SCMH1: variants seen among roughly 807,000 people sequenced by gnomAD.
The protein encoded by SCMH1 is Scm polycomb group protein homolog 1, also known as polycomb protein SCMH1.
A neutral mutation model predicts 70.8 loss-of-function variants in SCMH1; 37 were observed. That is an observed-to-expected ratio of 0.52 (90% CI 0.40 to 0.69). The LOEUF is 0.69. Ranked by LOEUF, SCMH1 falls within the 30% of genes least tolerant of loss-of-function variation. The probability of loss-of-function intolerance (pLI) is 0.00; values close to 1 mark genes in which losing one functional copy is unlikely to be tolerated. For synonymous variants in SCMH1, 292 were observed against 307.4 expected (o/e 0.95, Z 0.52); for missense variants, 607 against 827.3 (o/e 0.73, Z 3.27).
intron 6 of SCMH1, among the ~76,000 whole-genome samples, chr1:41,126,813 C>CA (rs1211229505): frequency 1.3e-5 from 2 of 151,956 alleles, no homozygotes; most frequent in Non-Finnish European, 2.9e-5. Context: ...CTTAATGTTG[C>CA]AAAAAAATAA....
At chr1:41,205,040 GA>G (rs1557818747) in intron 1 of SCMH1, among the ~76,000 whole-genome samples, 2 of 152,134 alleles carry the variant, frequency 1.3e-5, no homozygotes, top group South Asian at 2.1e-4. Flanking sequence ...AACAGTTAAG[GA>G]AAATCTCTTA....
intron 1 of SCMH1, among the ~76,000 whole-genome samples, chr1:41,198,485 T>C (rs1319696116): frequency 1.3e-5 from 2 of 152,240 alleles, no homozygotes; most frequent in Non-Finnish European, 2.9e-5. Flanking sequence ...GCAGAAGAAG[T>C]AACTTCCTCA....
chr1:41,122,950 T>A (rs978651884), intron 6 of SCMH1, among the ~76,000 whole-genome samples: 4 of 152,204 alleles, frequency 2.6e-5, no homozygotes, highest in Admixed American at 6.5e-5. Context: ...CCGGGCACAG[T>A]GGCTTTCACC....
chr1:41,187,201 G>A (rs766396553), intron 1 of SCMH1, among the ~76,000 whole-genome samples: 22 of 152,052 alleles, frequency 1.4e-4, no homozygotes, highest in Non-Finnish European at 3.1e-4. Flanking sequence ...GGTGGCTCAC[G>A]TCTGTAGTCC....
chr1:41,032,259 T>G (rs879365430), intron 13 of SCMH1, among the ~76,000 whole-genome samples: 1 of 152,224 alleles, frequency 6.6e-6, no homozygotes, highest in African/African-American at 2.4e-5. Flanking sequence ...TATATGCTTG[T>G]CTGTCAGCCT....
intron 1 of SCMH1, among the ~76,000 whole-genome samples, chr1:41,187,459 CA>C (rs34070758): frequency 0.35 from 45,166 of 128,604 alleles, 7,232 homozygotes; most frequent in Middle Eastern, 0.45. Context: ...GAGACTTGGT[CA>C]AAAAAAAAAA....
chr1:41,045,693 C>T (rs965353293), intron 12 of SCMH1: 3 of 152,376 alleles, frequency 2.0e-5, no homozygotes, highest in Non-Finnish European at 4.4e-5. Flanking sequence ...GGCCTTTCCT[C>T]CCTCTCAGTA....
At chr1:41,205,181 T>C (rs35967406) in intron 1 of SCMH1, among the ~76,000 whole-genome samples, 16,482 of 152,210 alleles carry the variant, frequency 0.11, 1,272 homozygotes, top group East Asian at 0.27. Flanking sequence ...GTTCATCTCA[T>C]TGGGACTGGT....
At chr1:41,190,093 T>C (rs1278232010) in intron 1 of SCMH1, among the ~76,000 whole-genome samples, 3 of 152,224 alleles carry the variant, frequency 2.0e-5, no homozygotes, top group African/African-American at 7.2e-5. Flanking sequence ...CAGTCCTGGA[T>C]GCTCCATTCT....
At chr1:41,228,346 G>A (rs1242937774) in intron 1 of SCMH1, among the ~76,000 whole-genome samples, 1 of 152,104 alleles carries the variant, frequency 6.6e-6, no homozygotes, top group African/African-American at 2.4e-5. Context: ...TGGTGATGAG[G>A]GTTGCGCAGC....
chr1:41,142,000 T>C (rs921446542), intron 6 of SCMH1, among the ~76,000 whole-genome samples: 3 of 152,264 alleles, frequency 2.0e-5, no homozygotes, highest in East Asian at 1.9e-4. Flanking sequence ...TGTTTAACAA[T>C]TGGAGGTGGG....
chr1:41,087,832 T>C (rs1558763108), intron 8 of SCMH1, among the ~76,000 whole-genome samples: 1 of 152,032 alleles, frequency 6.6e-6, no homozygotes, highest in Non-Finnish European at 1.5e-5. Flanking sequence ...CACCTCCAAA[T>C]ATGAAAATAC....
intron 1 of SCMH1, among the ~76,000 whole-genome samples, chr1:41,235,294 G>C (rs1373272993): frequency 1.3e-5 from 2 of 151,954 alleles, no homozygotes; most frequent in African/African-American, 2.4e-5. Flanking sequence ...CTCATAACAA[G>C]AGTGGAATGC....
chr1:41,150,557 A>C (rs1187361344), intron 5 of SCMH1, among the ~76,000 whole-genome samples: 1 of 152,124 alleles, frequency 6.6e-6, no homozygotes, highest in African/African-American at 2.4e-5. Context: ...TTTTTAAATA[A>C]ATTGTTTCAG....
chr1:41,120,207 G>C (rs1432496505), intron 6 of SCMH1, among the ~76,000 whole-genome samples: 1 of 152,090 alleles, frequency 6.6e-6, no homozygotes, highest in Non-Finnish European at 1.5e-5. Flanking sequence ...TGAGGTAGGG[G>C]TTACTGGGGG....
intron 2 of SCMH1, among the ~76,000 whole-genome samples, chr1:41,178,145 A>G (rs1647533669): frequency 6.6e-6 from 1 of 152,212 alleles, no homozygotes. Flanking sequence ...ACTAAGCTTC[A>G]TAAGTGAAGG....
chr1:41,139,656 G>A (rs563682691), intron 6 of SCMH1, among the ~76,000 whole-genome samples: 4 of 152,078 alleles, frequency 2.6e-5, no homozygotes, highest in Admixed American at 6.5e-5. Context: ...TCATATTTAG[G>A]ACATATCACT....
intron 6 of SCMH1, among the ~76,000 whole-genome samples, chr1:41,138,830 C>T (rs1480217064): frequency 6.6e-6 from 1 of 152,024 alleles, no homozygotes; most frequent in Non-Finnish European, 1.5e-5. Context: ...TGGTTTTATC[C>T]TCATCTTATG....
chr1:41,087,510 C>A (rs1662069429), intron 8 of SCMH1, among the ~76,000 whole-genome samples: 1 of 149,704 alleles, frequency 6.7e-6, no homozygotes, highest in Non-Finnish European at 1.5e-5. Flanking sequence ...GAAATGACAA[C>A]CTGTAAAAGA....
Sources: gnomAD v4.1 joint callset for allele counts (sites outside exome capture counted in the v4.1 genomes callset) on GRCh38, gnomAD v4.1.1 for gene constraint, MANE v1.5 for transcripts, NCBI Gene and HGNC (gene_info 2026-07-23, HGNC 2026-07-21) for gene names.